Variants in LRBA observed in about 807,000 individuals in gnomAD.
LRBA encodes lipopolysaccharide-responsive and beige-like anchor protein.
In LRBA, 176 loss-of-function variants were observed where a neutral mutation model predicts 330.0. That is an observed-to-expected ratio of 0.53 (90% CI 0.47 to 0.60). The LOEUF is 0.60. Among genes scored for constraint, LRBA ranks in the 20% least tolerant of loss-of-function variants. The probability of loss-of-function intolerance (pLI) is 0.00; values close to 1 mark genes in which losing one functional copy is unlikely to be tolerated. For synonymous variants in LRBA, 1,230 were observed against 1,193.0 expected, an observed-to-expected ratio of 1.03 and a Z score of -0.64; for missense variants, 3,259 against 3,444.8, an observed-to-expected ratio of 0.95 and a Z score of 1.35.
At chr4:150,603,313 AGAGTCT>A (rs1357624716) in intron 37 of LRBA, among the ~76,000 whole-genome samples, 1 of 152,192 alleles carries the variant, frequency 6.6e-6, no homozygotes, top group Non-Finnish European at 1.5e-5. Context: ...GTCTAACTTC[AGAGTCT>A]GAAGTTAAAA....
intron 37 of LRBA, among the ~76,000 whole-genome samples, chr4:150,665,006 G>A (rs1191489032): frequency 6.6e-6 from 1 of 152,074 alleles, no homozygotes; most frequent in Non-Finnish European, 1.5e-5. Context: ...CATCTTCATG[G>A]CTATGACTTC....
intron 36 of LRBA, among the ~76,000 whole-genome samples, chr4:150,725,902 G>C (rs1230735989): frequency 6.6e-6 from 1 of 152,194 alleles, no homozygotes; most frequent in African/African-American, 2.4e-5. Flanking sequence ...TATGCAATCA[G>C]TGTGAAGTGA....
intron 44 of LRBA, among the ~76,000 whole-genome samples, chr4:150,464,093 C>T (rs1484457979): frequency 1.3e-5 from 2 of 151,570 alleles, no homozygotes; most frequent in Admixed American, 6.6e-5. Flanking sequence ...CGAGTCCAGC[C>T]CACAATCCAT....
At chr4:150,783,332 G>T (rs113116610) in intron 34 of LRBA, among the ~76,000 whole-genome samples, 68 of 152,134 alleles carry the variant, frequency 4.5e-4, no homozygotes, top group African/African-American at 1.6e-3. Flanking sequence ...GGATAATAGC[G>T]TACCGTTCCA....
At chr4:150,442,573 C>T (rs373098811) in intron 44 of LRBA, among the ~76,000 whole-genome samples, 33 of 152,234 alleles carry the variant, frequency 2.2e-4, no homozygotes, top group African/African-American at 7.9e-4. Context: ...ACAGATAAAG[C>T]CTGCCTTACA....
At chr4:150,556,404 A>C (rs1251407945) in intron 40 of LRBA, among the ~76,000 whole-genome samples, 1 of 152,234 alleles carries the variant, frequency 6.6e-6, no homozygotes, top group Non-Finnish European at 1.5e-5. Context: ...AAGCTCTACG[A>C]GGAACCAAAT....
At chr4:150,743,528 CTTTCT>C (rs1732294371) in intron 35 of LRBA, among the ~76,000 whole-genome samples, 1 of 152,146 alleles carries the variant, frequency 6.6e-6, no homozygotes, top group African/African-American at 2.4e-5. Flanking sequence ...AGAAAATACA[CTTTCT>C]TTTAATTGCC....
intron 43 of LRBA, 124 bp downstream of exon 43, chr4:150,471,500 T>C: frequency 1.7e-6 from 1 of 597,608 alleles, no homozygotes; most frequent in Non-Finnish European, 2.9e-6. Flanking sequence ...TGTATATCCT[T>C]TGTAGTATTC....
chr4:150,951,566 C>G (rs909405443), intron 2 of LRBA, among the ~76,000 whole-genome samples: 2 of 152,114 alleles, frequency 1.3e-5, no homozygotes, highest in Admixed American at 6.5e-5. Flanking sequence ...AACTTGGCAT[C>G]TTAGACTTGA....
Position 150,870,566 on chromosome 4 carries a change from T to C in LRBA, c.2408A>G (p.Gln803Arg). Residue 803 changes from glutamine (Q) to arginine (R), a missense_variant, in exon 20 of 57, where the codon CAG becomes CGG. By Grantham distance (43) the Gln-to-Arg change is conservative (BLOSUM62 1). Coordinates refer to ENST00000651943, the MANE Select transcript of LRBA (RefSeq NM_001364905.1). ...CACTGAAGAATCAGGATCTGGATGC[T>C]GTTTATGTATCACCTGAGTACCAAT... ...EQIGTQVIHK[Q>R]HPDPDSSVKI... 1 of 1,595,032 alleles carries C rather than the reference T, an allele frequency of 6.3e-7. No individual in the cohort carries two copies. Among genetic ancestry groups the C allele is most frequent in the Non-Finnish European group, 8.6e-7 (1 of 1,163,330 alleles).
At chr4:150,875,039 T>A (rs970226251) in intron 17 of LRBA, among the ~76,000 whole-genome samples, 2 of 152,040 alleles carry the variant, frequency 1.3e-5, no homozygotes, top group Admixed American at 1.3e-4. Flanking sequence ...TGCAAAGATC[T>A]TGGTGCAAGG....
At chr4:150,937,012 G>A (rs1464592884) in intron 2 of LRBA, among the ~76,000 whole-genome samples, 2 of 151,910 alleles carry the variant, frequency 1.3e-5, no homozygotes, top group Non-Finnish European at 2.9e-5. Flanking sequence ...CTTTCAAGAA[G>A]CTATAGATTT....
At chr4:150,792,196 T>C (rs370296000) in intron 34 of LRBA, among the ~76,000 whole-genome samples, 15 of 148,044 alleles carry the variant, frequency 1.0e-4, no homozygotes, top group African/African-American at 3.4e-4. Context: ...GGATAGTAAG[T>C]TTTAGTTAAA....
chr4:150,615,243 G>C (rs1357772103), intron 37 of LRBA, among the ~76,000 whole-genome samples: 4 of 152,188 alleles, frequency 2.6e-5, no homozygotes, highest in African/African-American at 7.2e-5. Context: ...AATCATTTAA[G>C]TCTTCATAGG....
At chr4:150,998,180 C>T (rs1222958311) in intron 2 of LRBA, among the ~76,000 whole-genome samples, 2 of 151,484 alleles carry the variant, frequency 1.3e-5, no homozygotes, top group African/African-American at 4.9e-5. Flanking sequence ...GGAGAAACCC[C>T]GTCTCTACTA....
At chr4:150,544,987 G>T (rs1487758773) in intron 40 of LRBA, among the ~76,000 whole-genome samples, 1 of 152,040 alleles carries the variant, frequency 6.6e-6, no homozygotes, top group Non-Finnish European at 1.5e-5. Context: ...AGATTGTATC[G>T]CCTGTTACCT....
intron 22 of LRBA, among the ~76,000 whole-genome samples, chr4:150,866,598 G>T (rs1260275654): frequency 6.6e-6 from 1 of 152,168 alleles, no homozygotes; most frequent in African/African-American, 2.4e-5. Flanking sequence ...CTTTGGAAAA[G>T]AATTTGCATT....
chr4:150,590,679 G>T, intron 39 of LRBA, 34 bp downstream of exon 39: 1 of 1,601,512 alleles, frequency 6.2e-7, no homozygotes. Context: ...TGTCCCAGAG[G>T]TAGCTGAAAT....
At chr4:150,424,185 A>G (rs1749227905) in intron 46 of LRBA, among the ~76,000 whole-genome samples, 8 of 152,222 alleles carry the variant, frequency 5.3e-5, no homozygotes. Flanking sequence ...TATAGTATGA[A>G]GAACAACATC....
Sources: gnomAD v4.1 joint callset for allele counts (sites outside exome capture counted in the v4.1 genomes callset) on GRCh38, gnomAD v4.1.1 for gene constraint, MANE v1.5 for transcripts, NCBI Gene and HGNC (gene_info 2026-07-23, HGNC 2026-07-21) for gene names.